ALPK1: variants seen among roughly 807,000 people sequenced by gnomAD.
The protein encoded by ALPK1 is alpha-protein kinase 1.
ALPK1 carries 110 observed loss-of-function variants against 120.6 expected under a neutral mutation model. The observed-to-expected ratio is 0.91, with a 90% confidence interval of 0.78 to 1.07. The LOEUF (loss-of-function observed/expected upper bound fraction) is 1.07. ALPK1 is among the 50% of genes least tolerant of loss of function. ALPK1 has a pLI of 0.00. For synonymous variants in ALPK1, 582 were observed against 560.3 expected, an observed-to-expected ratio of 1.04 and a Z score of -0.55; for missense variants, 1,498 against 1,483.9, an observed-to-expected ratio of 1.01 and a Z score of -0.16.
chr4:112,361,505 G>C (rs1730910550), intron 2 of ALPK1, among the ~76,000 whole-genome samples: 1 of 152,182 alleles, frequency 6.6e-6, no homozygotes, highest in Non-Finnish European at 1.5e-5. Flanking sequence ...ATCCCCCTGG[G>C]AGCATAACTT....
At position 112,430,972 on chromosome 4, in the gene ALPK1, A is replaced by G; in HGVS notation, c.1425A>G (p.Gly475=). Residue 475 remains glycine, a synonymous_variant, in exon 11 of 16, where the codon GGA becomes GGG. Transcript: ENST00000650871. ...GTGAAGTATTTGAAAGTGATTGTGG[A>G]AACAACAAAAATGAACAGAAAGATG... ...SVCEVFESDC[G]NNKNEQKDAK... is the part of the protein sequence containing the mutation. 6.2e-7 allele frequency: 1 copy of G among 1,613,800 alleles called. No homozygotes were observed.
Position 112,313,918 on chromosome 4 carries a change from A to G in ALPK1, c.-152-1883A>G, listed in dbSNP as rs181329418. Among the ~76,000 whole-genome samples, 3 of 152,310 alleles carry G rather than the reference A, an allele frequency of 2.0e-5. No individual in the cohort carries two copies. The East Asian group carries it at 5.8e-4, about 29-fold the overall frequency. ...TCAGGGAATTTTGCTAAAAAAGACAATAACTACTGATGAAAGTGAGATGAA... is the reference window on the plus strand; with the variant it reads ...TCAGGGAATTTTGCTAAAAAAGACAGTAACTACTGATGAAAGTGAGATGAA... On this transcript the variant is annotated intron_variant, in intron 1 of 15. Coordinates refer to ENST00000650871, the MANE Select transcript of ALPK1 (RefSeq NM_025144.4).
At chr4:112,397,536 A>G (rs1732703547) in intron 4 of ALPK1, among the ~76,000 whole-genome samples, 1 of 152,208 alleles carries the variant, frequency 6.6e-6, no homozygotes, top group African/African-American at 2.4e-5. Context: ...TACGTCTTCT[A>G]GAGTCACTGT....
chr4:112,378,597 G>T (rs150417322), intron 3 of ALPK1, among the ~76,000 whole-genome samples: 1,993 of 151,450 alleles, frequency 0.013, 48 homozygotes, highest in African/African-American at 0.044. Context: ...TTTTTTTTTA[G>T]ATTTCTTTTT....
rs763178615 is a variant in ALPK1 at position 112,439,816 on chromosome 4, A to G, written c.3482A>G (p.Tyr1161Cys). 1.2e-6 allele frequency: 2 copies of G among 1,610,794 alleles called. No homozygotes were observed. The highest frequency in any genetic ancestry group is 2.2e-5 in the South Asian group (2 of 90,412). ...AAAGCCACAGAATATGGCTTGGCCTATGGCCATTTTTCTTATGAGTTTTCT... is the reference window on the plus strand; with the variant it reads ...AAAGCCACAGAATATGGCTTGGCCTGTGGCCATTTTTCTTATGAGTTTTCT... ...EYKATEYGLA[Y>C]GHFSYEFSNH... The change falls in exon 14 of 16, where the codon TAT becomes TGT. Residue 1161 changes from tyrosine to cysteine, a missense_variant. Tyr to Cys is a radical substitution (Grantham distance 194). Coordinates refer to ENST00000650871, the MANE Select transcript of ALPK1 (RefSeq NM_025144.4).
intron 14 of ALPK1, among the ~76,000 whole-genome samples, chr4:112,440,329 T>C (rs996514257): frequency 5.9e-5 from 9 of 152,220 alleles, no homozygotes; most frequent in African/African-American, 2.2e-4. Context: ...TACTTAAATA[T>C]GACTACTTTT....
chr4:112,440,013 A>C, intron 14 of ALPK1, 141 bp downstream of exon 14: 21 of 752,100 alleles, frequency 2.8e-5, no homozygotes, highest in Non-Finnish European at 6.0e-6. Context: ...ATCTTACTAT[A>C]TATAGCAAAT....
intron 1 of ALPK1, chr4:112,302,263 A>G (rs1727822151): frequency 6.6e-6 from 1 of 152,190 alleles, no homozygotes; most frequent in Admixed American, 6.6e-5. Flanking sequence ...AGTGCTTAAT[A>G]AAGGATAAAG....
At chr4:112,398,020 AT>A (rs1220147123) in intron 4 of ALPK1, among the ~76,000 whole-genome samples, 1 of 152,182 alleles carries the variant, frequency 6.6e-6, no homozygotes, top group African/African-American at 2.4e-5. Context: ...GTGAGTGATT[AT>A]AGATACTCTA....
rs28432714 is a variant in ALPK1, at chr4:112,412,766, C to G, written c.475+741C>G. The stretch of plus-strand genomic sequence containing the variant: ...AGGATGAAAAGAGAAGGCAAGTTAC[C>G]CCTCCCAGAAATGGGACTGGTTCAT... On this transcript the variant is annotated intron_variant, in intron 5 of 15. Transcript: ENST00000650871. 5.7e-3 allele frequency among the ~76,000 whole-genome samples: 872 copies of G among 152,340 alleles called. 6 individuals are homozygous for G. The highest frequency in any genetic ancestry group is 0.02 in the African/African-American group (812 of 41,566).
intron 1 of ALPK1, among the ~76,000 whole-genome samples, chr4:112,305,376 C>A (rs1727994410): frequency 6.6e-6 from 1 of 151,966 alleles, no homozygotes; most frequent in Non-Finnish European, 1.5e-5. Context: ...TTCTTCCTAT[C>A]CATGAGCATG....
At chr4:112,332,813 G>A (rs1440295234) in intron 2 of ALPK1, among the ~76,000 whole-genome samples, 1 of 152,150 alleles carries the variant, frequency 6.6e-6, no homozygotes, top group East Asian at 1.9e-4. Flanking sequence ...ATATGTCCCT[G>A]GAGTTAACTG....
intron 4 of ALPK1, among the ~76,000 whole-genome samples, chr4:112,406,885 C>T (rs1733202727): frequency 6.6e-6 from 1 of 152,206 alleles, no homozygotes. Context: ...TAGTCATACT[C>T]CTTCTGTCCA....
At chr4:112,341,039 C>T (rs28600749) in intron 2 of ALPK1, among the ~76,000 whole-genome samples, 25,785 of 151,996 alleles carry the variant, frequency 0.17, 2,208 homozygotes, top group Admixed American at 0.19. Flanking sequence ...GAACTGGGTG[C>T]TTAGTTACTA....
At chr4:112,416,755 A>G (rs988125881) in intron 5 of ALPK1, among the ~76,000 whole-genome samples, 3 of 151,922 alleles carry the variant, frequency 2.0e-5, no homozygotes, top group African/African-American at 7.3e-5. Context: ...ATGTAGCTGT[A>G]GTCTCAGCTA....
At chr4:112,322,187 A>G (rs1034682960) in intron 2 of ALPK1, among the ~76,000 whole-genome samples, 1 of 152,230 alleles carries the variant, frequency 6.6e-6, no homozygotes, top group Non-Finnish European at 1.5e-5. Flanking sequence ...TGTACTTATA[A>G]AGCAAATTTT....
intron 2 of ALPK1, among the ~76,000 whole-genome samples, chr4:112,328,042 T>C (rs1729194003): frequency 6.6e-6 from 1 of 152,226 alleles, no homozygotes; most frequent in African/African-American, 2.4e-5. Context: ...TTGTAAATGA[T>C]ATGACCTGTA....
chr4:112,391,272 T>G (rs1732404881), intron 4 of ALPK1, among the ~76,000 whole-genome samples: 1 of 152,186 alleles, frequency 6.6e-6, no homozygotes, highest in South Asian at 2.1e-4. Context: ...GTGAACAAGG[T>G]AGGGGCTACT....
intron 2 of ALPK1, among the ~76,000 whole-genome samples, chr4:112,366,533 C>A (rs1446383206): frequency 2.6e-5 from 4 of 151,964 alleles, no homozygotes; most frequent in Non-Finnish European, 5.9e-5. Context: ...TGGACATAAT[C>A]AAAAAATCAA....
Sources: allele counts gnomAD v4.1 joint callset (sites outside exome capture counted in the v4.1 genomes callset), GRCh38; gene constraint gnomAD v4.1.1; transcripts MANE v1.5; gene names NCBI Gene and HGNC (gene_info 2026-07-23, HGNC 2026-07-21).